The following CHD5 variants were observed in gnomAD, a reference collection of about 807,000 sequenced individuals.
CHD5 encodes the protein chromodomain helicase DNA binding protein 5.
A neutral mutation model predicts 230.3 loss-of-function variants in CHD5; 69 were observed. The observed-to-expected ratio is 0.30, with a 90% CI of 0.25 to 0.37. The LOEUF is 0.37. CHD5 is among the 10% of genes least tolerant of loss of function. The pLI is 1.00. For missense variants in CHD5, 1,827 were observed against 2,622.8 expected (o/e 0.70, Z 6.63); for synonymous variants, 1,064 against 1,065.9 (o/e 1.00, Z 0.03).
rs1022532850 is a variant in CHD5, at chr1:6,103,680, C to T, written c.*1794G>A. 5.3e-5 allele frequency: 8 copies of T among 152,312 alleles called. No individual in the cohort carries two copies. Among genetic ancestry groups the T allele is most frequent in the South Asian group, 2.1e-4 (1 of 4,832 alleles). The allele number at this position is 152,312 out of a possible 1,614,324, so 9.4% of individuals were successfully genotyped here. The stretch of plus-strand genomic sequence containing the variant: ...CATGTGAGCCCGCTGACAATCATCT[C>T]CACTCCAGGGTGCTCCCCACTACGC... On this transcript the variant is annotated 3_prime_UTR_variant, in exon 42 of 42. Coordinates refer to ENST00000262450, the MANE Select transcript of CHD5 (RefSeq NM_015557.3).
At chr1:6,122,196 C>A (rs1276702694) in intron 31 of CHD5, among the ~76,000 whole-genome samples, 1 of 152,212 alleles carries the variant, frequency 6.6e-6, no homozygotes, top group Admixed American at 6.5e-5. Context: ...CACCCATCAC[C>A]ATGGGATAGC....
chr1:6,110,606 G>A (rs1666273054), intron 36 of CHD5, 80 bp from the exon 37 acceptor site: 5 of 1,458,868 alleles, frequency 3.4e-6, no homozygotes, highest in Non-Finnish European at 4.7e-6. Flanking sequence ...GGGAGGGGGA[G>A]GGGCCAGCCC....
At chr1:6,160,415 G>GGCCCCAGCCAGAGAAGGAGA (rs1557559601) in intron 2 of CHD5, among the ~76,000 whole-genome samples, 1 of 121,316 alleles carries the variant, frequency 8.2e-6, no homozygotes, top group Non-Finnish European at 1.6e-5. Flanking sequence ...GCCAGAGAAG[G>GGCCCCAGCCAGAGAAGGAGA]GCCCCAGCCA....
In CHD5 at chr1:6,112,964, G is replaced by C. The variant is rs781663550; in HGVS notation, c.4947C>G (p.Asp1649Glu). 2 of 1,613,980 alleles carry C rather than the reference G, an allele frequency of 1.2e-6. No individual in the cohort carries two copies. The highest frequency in any genetic ancestry group is 2.2e-5 in the South Asian group (2 of 91,082). ...EVLPEKEKIL[D>E]KLELSLIHSR... ...TGTGGATCAAGCTCAGCTCCAGCTT[G>C]TCCAGGATCTTCTCCTTCTCAGGAA... The change falls in exon 34 of 42, where the codon GAC becomes GAG. Residue 1649 changes from aspartate to glutamate, a missense_variant. Physicochemically the swap from Asp to Glu is conservative, Grantham distance 45 (BLOSUM62 2). This residue lies in a region of CHD5 where 272 missense variants were observed against 263.2 expected (regional missense o/e 1.03). Coordinates refer to ENST00000262450, the MANE Select transcript of CHD5 (RefSeq NM_015557.3).
chr1:6,111,001 G>C (rs1666278685), intron 36 of CHD5, among the ~76,000 whole-genome samples: 2 of 152,078 alleles, frequency 1.3e-5, no homozygotes, highest in South Asian at 4.1e-4. Context: ...AGGCCAAGGT[G>C]GGCAGATCAC....
At chr1:6,137,812 GTT>G (rs1423135206) in intron 15 of CHD5, among the ~76,000 whole-genome samples, 2 of 152,242 alleles carry the variant, frequency 1.3e-5, no homozygotes, top group Non-Finnish European at 2.9e-5. Flanking sequence ...TTGAATTTGT[GTT>G]TTGTAACAAA....
Position 6,149,398 on chromosome 1 carries a change from C to T in CHD5, c.1009G>A (p.Gly337Ser), listed in dbSNP as rs914145567. The T allele has an allele frequency of 5.6e-6, 9 of 1,609,332 alleles. No individual in the cohort carries two copies. Among genetic ancestry groups the T allele is most frequent in the African/African-American group, 1.3e-5 (1 of 74,708 alleles). ...RKKKRIDDGDGYETDHQDYCE... is the reference protein window; with the variant it reads ...RKKKRIDDGDSYETDHQDYCE... ...TAATCCTGGTGGTCTGTCTCATAGC[C>T]GTCACCATCATCAACTAGGGTAGGG... Residue 337 changes from glycine (G) to serine (S), a missense_variant, in exon 8 of 42, where the codon GGC becomes AGC. Gly to Ser is a moderately conservative substitution (Grantham distance 56). Coordinates refer to ENST00000262450, the MANE Select transcript of CHD5 (RefSeq NM_015557.3).
In CHD5 at chr1:6,131,070, T is replaced by G. The variant is rs141280405; in HGVS notation, c.3262+561A>C. ...CAGGGAAACAAAGCTTGTTACTATT[T>G]GCTGCAAACTTGCTACTGAAGCTTA... On this transcript the variant is annotated intron_variant, in intron 21 of 41. Coordinates refer to ENST00000262450, the MANE Select transcript of CHD5 (RefSeq NM_015557.3). This position sits in a 1 kb window ranked among gnomAD's most constrained non-coding sequence, Gnocchi z 5.0. Among the ~76,000 whole-genome samples the G allele has an allele frequency of 6.6e-6, 1 of 152,366 alleles. No homozygotes were observed. Among genetic ancestry groups the G allele is most frequent in the East Asian group, 1.9e-4 (1 of 5,188 alleles).
rs1571179907 is a variant in CHD5 at position 6,180,111 on chromosome 1, G to A, written c.-88C>T. The A allele has an allele frequency of 1.8e-6, 1 of 558,634 alleles. No homozygotes were observed. The highest frequency in any genetic ancestry group is 2.4e-6 in the Non-Finnish European group (1 of 418,980). The allele number at this position is 558,634 out of a possible 1,614,324, so 34.6% of individuals were successfully genotyped here. The stretch of plus-strand genomic sequence containing the variant: ...AACCCGTGCGCTGCCGGACCGGCGC[G>A]CGCGGCGGGCGAGGCGGCCTCGGCG... On this transcript the variant is annotated 5_prime_UTR_variant, in exon 1 of 42. Coordinates refer to ENST00000262450, the MANE Select transcript of CHD5 (RefSeq NM_015557.3).
At position 6,146,623 on chromosome 1, in the gene CHD5, C is replaced by A; in HGVS notation, c.1590+42G>T. ...CAGCCCAGGAGGGTCCAGGGCTCAC[C>A]AGGTCCCGGGCCTTAGCACAGCCAC... On this transcript the variant is annotated intron_variant, in intron 10 of 41. Coordinates refer to ENST00000262450, the MANE Select transcript of CHD5 (RefSeq NM_015557.3). This position sits in a 1 kb window ranked among gnomAD's most constrained non-coding sequence, Gnocchi z 5.1. 1 of 1,599,260 alleles carries A rather than the reference C, an allele frequency of 6.3e-7. No homozygotes were observed. The highest frequency in any genetic ancestry group is 8.6e-7 in the Non-Finnish European group (1 of 1,167,150).
At position 6,125,455 on chromosome 1, in the gene CHD5, C is replaced by T. The variant is rs1471545563; in HGVS notation, c.4260+69G>A. 8 of 1,482,500 alleles carry T rather than the reference C, an allele frequency of 5.4e-6. No individual in the cohort carries two copies. The Admixed American group carries it at 1.2e-4, about 22-fold the overall frequency. 91.8% of individuals were successfully genotyped at this position (1,482,500 alleles called of 1,614,324 possible). A position where few individuals can be genotyped will look rare whatever the true frequency, so the allele number is the denominator to read the frequency against. ...CATGAGACCCGGGGCAGTCCCCCAG[C>T]CCTCCTCCATACCCCAGGGGCAGCA... On this transcript the variant is annotated intron_variant, in intron 28 of 41. Transcript: ENST00000262450. The surrounding 1 kb of genome is among the most constrained non-coding windows in gnomAD (Gnocchi z 6.7).
chr1:6,128,383 C>A lies in CHD5; in HGVS notation c.3730+116G>T. ...AACTGCGCTGTAACAGCCCCACTCGCCGCCCACCTGGCAGTCCCAGGACGC... is the reference window on the plus strand; with the variant it reads ...AACTGCGCTGTAACAGCCCCACTCGACGCCCACCTGGCAGTCCCAGGACGC... On this transcript the variant is annotated intron_variant, in intron 24 of 41. Transcript: ENST00000262450. This position sits in a 1 kb window ranked among gnomAD's most constrained non-coding sequence, Gnocchi z 7.8. 9.0e-7 allele frequency: 1 copy of A among 1,111,812 alleles called. No homozygotes were observed. Among genetic ancestry groups the A allele is most frequent in the Non-Finnish European group, 1.3e-6 (1 of 759,278 alleles). The allele number at this position is 1,111,812 out of a possible 1,614,324, so 68.9% of individuals were successfully genotyped here.
chr1:6,175,107 G>T (rs1207496888), intron 1 of CHD5, among the ~76,000 whole-genome samples: 1 of 151,800 alleles, frequency 6.6e-6, no homozygotes, highest in Non-Finnish European at 1.5e-5. Flanking sequence ...ATGGATGGTG[G>T]ATTGATGAAT....
At chr1:6,127,947 C>T (rs1434605406) in intron 25 of CHD5, 99 bp downstream of exon 25, 1 of 930,914 alleles carries the variant, frequency 1.1e-6, no homozygotes, top group Admixed American at 3.4e-5. Flanking sequence ...CTGGCTGCGG[C>T]GGGAGGGCGG....
At chr1:6,172,122 C>T (rs942495216) in intron 1 of CHD5, among the ~76,000 whole-genome samples, 11 of 152,234 alleles carry the variant, frequency 7.2e-5, no homozygotes, top group Non-Finnish European at 1.6e-4. Context: ...GTGGGACCCC[C>T]AGGCTGGCCT....
rs1177486862 is a variant in CHD5 at position 6,121,271 on chromosome 1, T to C, written c.4780-34A>G. 3.8e-6 allele frequency: 6 copies of C among 1,593,802 alleles called. No homozygotes were observed. Among genetic ancestry groups the C allele is most frequent in the Middle Eastern group, 1.7e-4 (1 of 5,898 alleles). ...GAAAAGCCAGGAGAACTACAAGGCC[T>C]GGGGCCTCACCAGGAACGGAGGGCG... is the stretch of plus-strand genomic sequence containing the variant. On this transcript the variant is annotated intron_variant, in intron 32 of 41. Transcript: ENST00000262450. The surrounding 1 kb of genome is among the most constrained non-coding windows in gnomAD (Gnocchi z 4.5).
In CHD5 at chr1:6,144,079, C is replaced by T. The variant is rs2100858760; in HGVS notation, c.1879G>A (p.Asp627Asn). The change falls in exon 12 of 42, where the codon GAT (aspartate) becomes AAT (asparagine). Residue 627 changes from aspartate (D) to asparagine (N), a missense_variant. This residue lies in a region of CHD5 where 657 missense variants were observed against 816.4 expected (regional missense o/e 0.80). Coordinates refer to ENST00000262450, the MANE Select transcript of CHD5 (RefSeq NM_015557.3). ...TCGTAGTAGGGGATGTCGATGTCAT[C>T]GATCTCCCAGGTGCACTGGTCGTAG... Reference protein sequence around the residue: ...LPYDQCTWEIDDIDIPYYDNL... With the variant: ...LPYDQCTWEINDIDIPYYDNL... The T allele has an allele frequency of 1.2e-6, 2 of 1,614,170 alleles. No homozygotes were observed. Among genetic ancestry groups the T allele is most frequent in the South Asian group, 2.2e-5 (2 of 91,088 alleles).
intron 1 of CHD5, among the ~76,000 whole-genome samples, chr1:6,172,677 T>C (rs1182787938): frequency 6.6e-6 from 1 of 152,142 alleles, no homozygotes; most frequent in East Asian, 1.9e-4. Context: ...GCCCACGCTG[T>C]GTAAACCGGC....
In CHD5 at chr1:6,154,753, C is replaced by G. The variant is rs759393769; in HGVS notation, c.652G>C (p.Glu218Gln). Residue 218 changes from glutamate to glutamine, a missense_variant, in exon 5 of 42, where the codon GAG (glutamate) becomes CAG (glutamine). Coordinates refer to ENST00000262450, the MANE Select transcript of CHD5 (RefSeq NM_015557.3). This position sits in a 1 kb window ranked among gnomAD's most constrained non-coding sequence, Gnocchi z 7.0. ...AAAAAVAAAV[E>Q]TVTISPPLAV... is the part of the protein sequence containing the mutation. ...AGCGGAGGGGAGATGGTGACCGTCTCTACAGCCGCAGCCACCGCCGCCGCC... is the reference window on the plus strand; with the variant it reads ...AGCGGAGGGGAGATGGTGACCGTCTGTACAGCCGCAGCCACCGCCGCCGCC... 7.4e-6 allele frequency: 12 copies of G among 1,611,982 alleles called. No homozygotes were observed. The African/African-American group carries it at 1.5e-4, about 20-fold the overall frequency.
Sources: allele counts gnomAD v4.1 joint callset (sites outside exome capture counted in the v4.1 genomes callset), GRCh38; gene constraint gnomAD v4.1.1; regional missense constraint gnomAD v4.1.1; non-coding constraint Gnocchi (gnomAD v3.1); transcripts MANE v1.5; gene names NCBI Gene and HGNC (gene_info 2026-07-23, HGNC 2026-07-21).